PPARGC1A: variants seen among roughly 807,000 people sequenced by gnomAD.
PPARGC1A encodes peroxisome proliferator-activated receptor gamma coactivator 1-alpha.
PPARGC1A carries 25 observed loss-of-function variants against 88.7 expected under a neutral mutation model. That is an observed-to-expected ratio of 0.28 (90% CI 0.21 to 0.39). The LOEUF (loss-of-function observed/expected upper bound fraction) is 0.39. Among genes scored for constraint, PPARGC1A ranks in the 10% least tolerant of loss-of-function variants. The pLI, the probability that PPARGC1A is intolerant of heterozygous loss-of-function variation, is 1.00. For missense variants in PPARGC1A, 880 were observed against 968.7 expected, an observed-to-expected ratio of 0.91 and a Z score of 1.22; for synonymous variants, 363 against 355.6, an observed-to-expected ratio of 1.02 and a Z score of -0.24.
the PPARGC1A span, among the ~76,000 whole-genome samples, chr4:24,199,653 C>A: frequency 6.6e-6 from 1 of 152,054 alleles, no homozygotes; most frequent in African/African-American, 2.4e-5. Flanking sequence ...TTTGTAACAG[C>A]CATCACCCAC....
At chr4:23,978,791 G>A in the PPARGC1A span, among the ~76,000 whole-genome samples, 1 of 152,254 alleles carries the variant, frequency 6.6e-6, no homozygotes, top group African/African-American at 2.4e-5. Flanking sequence ...AGGACTGTGT[G>A]TTCATCACAT....
At chr4:24,078,676 C>CT in the PPARGC1A span, among the ~76,000 whole-genome samples, 1 of 152,054 alleles carries the variant, frequency 6.6e-6, no homozygotes, top group African/African-American at 2.4e-5. Context: ...AAACAGCCTG[C>CT]TTTTTGTTGA....
At chr4:24,180,868 G>C in the PPARGC1A span, among the ~76,000 whole-genome samples, 1 of 152,048 alleles carries the variant, frequency 6.6e-6, no homozygotes, top group African/African-American at 2.4e-5. Flanking sequence ...CAGCATTTTG[G>C]GATACTTTTG....
At chr4:23,975,273 C>G in the PPARGC1A span, among the ~76,000 whole-genome samples, 4 of 152,072 alleles carry the variant, frequency 2.6e-5, no homozygotes, top group African/African-American at 9.7e-5. Flanking sequence ...CAATAATAAT[C>G]CCAGTTGCCT....
intron 2 of PPARGC1A, among the ~76,000 whole-genome samples, chr4:23,873,228 GA>G (rs1369765849): frequency 7.0e-5 from 7 of 99,790 alleles, no homozygotes; most frequent in Admixed American, 5.0e-4. Context: ...AAAAAATAAA[GA>G]AAAAAATGTG....
At chr4:24,153,238 C>T in the PPARGC1A span, among the ~76,000 whole-genome samples, 2 of 152,074 alleles carry the variant, frequency 1.3e-5, no homozygotes, top group Non-Finnish European at 2.9e-5. Context: ...CCAAAAATAG[C>T]CTCGTCGATG....
At chr4:23,802,378 TG>T (rs756405844) in intron 10 of PPARGC1A, 33 bp from the exon 11 acceptor site, 1 of 1,610,858 alleles carries the variant, frequency 6.2e-7, no homozygotes, top group East Asian at 2.2e-5. Flanking sequence ...AGTTCTGGAG[TG>T]GGAAAAAAGC....
the PPARGC1A span, among the ~76,000 whole-genome samples, chr4:24,308,739 TAA>T: frequency 1.4e-4 from 22 of 152,232 alleles, no homozygotes; most frequent in African/African-American, 5.1e-4. Context: ...TCATTTGAAA[TAA>T]AAGAGAGGGA....
intron 2 of PPARGC1A, among the ~76,000 whole-genome samples, chr4:23,839,530 C>G (rs1726668424): frequency 6.6e-6 from 1 of 152,128 alleles, no homozygotes; most frequent in African/African-American, 2.4e-5. Context: ...GAGAATTAAT[C>G]CTAGATCCAT....
At chr4:24,065,453 C>G in the PPARGC1A span, among the ~76,000 whole-genome samples, 1 of 152,166 alleles carries the variant, frequency 6.6e-6, no homozygotes, top group South Asian at 2.1e-4. Flanking sequence ...CCTAAAGCAG[C>G]CCAGCTTGTT....
chr4:24,348,526 G>T, the PPARGC1A span, among the ~76,000 whole-genome samples: 1 of 152,020 alleles, frequency 6.6e-6, no homozygotes, highest in Non-Finnish European at 1.5e-5. Context: ...CTTTGTCTTT[G>T]TTGAATTAGG....
chr4:24,387,800 GAA>G, the PPARGC1A span, among the ~76,000 whole-genome samples: 4 of 107,340 alleles, frequency 3.7e-5, no homozygotes, highest in South Asian at 7.0e-4. Flanking sequence ...AAGAAAGAAA[GAA>G]AGAAAGAAAG....
the PPARGC1A span, among the ~76,000 whole-genome samples, chr4:24,242,031 A>G: frequency 5.9e-5 from 9 of 152,152 alleles, no homozygotes; most frequent in African/African-American, 1.9e-4. Context: ...CTAGAACCCA[A>G]CACTAGATTC....
chr4:24,058,097 C>T, the PPARGC1A span, among the ~76,000 whole-genome samples: 4,991 of 152,214 alleles, frequency 0.033, 272 homozygotes, highest in African/African-American at 0.11. Context: ...CCTTAAAAGC[C>T]AATAGCATCT....
the PPARGC1A span, among the ~76,000 whole-genome samples, chr4:23,967,070 T>C: frequency 4.6e-5 from 7 of 152,184 alleles, no homozygotes. Flanking sequence ...TGAGATGTAA[T>C]GCCTTATTAT....
chr4:24,290,380 C>T, the PPARGC1A span, among the ~76,000 whole-genome samples: 8 of 152,108 alleles, frequency 5.3e-5, no homozygotes, highest in Admixed American at 2.0e-4. Context: ...TTATTTCTCC[C>T]TCCCAGCTTC....
At chr4:23,810,543 C>T (rs970232635) in intron 10 of PPARGC1A, among the ~76,000 whole-genome samples, 1 of 152,162 alleles carries the variant, frequency 6.6e-6, no homozygotes, top group East Asian at 1.9e-4. Flanking sequence ...ACAAAAAAGA[C>T]ACCTCCCTTC....
At chr4:23,910,442 A>T in the PPARGC1A span, among the ~76,000 whole-genome samples, 1 of 120,906 alleles carries the variant, frequency 8.3e-6, no homozygotes, top group Non-Finnish European at 1.6e-5. Flanking sequence ...TATATATATT[A>T]ATATATATAT....
chr4:23,842,754 G>A (rs553724677), intron 2 of PPARGC1A, among the ~76,000 whole-genome samples: 1 of 152,202 alleles, frequency 6.6e-6, no homozygotes, highest in South Asian at 2.1e-4. Context: ...CTGGGAGGTA[G>A]AGCCTAGGAT....
Sources: gnomAD v4.1 joint callset for allele counts (sites outside exome capture counted in the v4.1 genomes callset) on GRCh38, gnomAD v4.1.1 for gene constraint, MANE v1.5 for transcripts, NCBI Gene and HGNC (gene_info 2026-07-23, HGNC 2026-07-21) for gene names.